DIAPH3: variants seen among roughly 807,000 people sequenced by gnomAD.
DIAPH3 encodes the protein diaphanous related formin 3.
A neutral mutation model predicts 144.3 loss-of-function variants in DIAPH3; 117 were observed. That is an observed-to-expected ratio of 0.81 (90% CI 0.70 to 0.95). The LOEUF (loss-of-function observed/expected upper bound fraction) is 0.95, where lower values mean the gene tolerates loss of function less well. Ranked by LOEUF, DIAPH3 falls within the 40% of genes least tolerant of loss-of-function variation. The probability of loss-of-function intolerance (pLI) is 0.00; values close to 1 mark genes in which losing one functional copy is unlikely to be tolerated. For missense variants in DIAPH3, 1,421 were observed against 1,412.7 expected (o/e 1.01, Z -0.09); for synonymous variants, 519 against 488.9 (o/e 1.06, Z -0.81).
intron 9 of DIAPH3, among the ~76,000 whole-genome samples, chr13:60,003,055 C>T (rs2052613859): frequency 6.6e-6 from 1 of 152,170 alleles, no homozygotes; most frequent in South Asian, 2.1e-4. Context: ...GGGACAAGCA[C>T]ACACATGAAC....
rs548587459 is a variant in DIAPH3 at position 59,969,183 on chromosome 13, T to G, written c.2074+761A>C. 2.6e-5 allele frequency among the ~76,000 whole-genome samples: 4 copies of G among 152,300 alleles called. No individual in the cohort carries two copies. In the East Asian group the frequency reaches 7.7e-4, roughly 29 times the overall value. ...GTTCAATTTTCACTTATGTAATACC[T>G]AAACAATTTTTTAAAAATCACACTG... On this transcript the variant is annotated intron_variant, in intron 17 of 27. Coordinates refer to ENST00000400324, the MANE Select transcript of DIAPH3 (RefSeq NM_001042517.2).
At chr13:59,858,732 T>C (rs1266180849) in intron 22 of DIAPH3, among the ~76,000 whole-genome samples, 3 of 152,158 alleles carry the variant, frequency 2.0e-5, no homozygotes, top group Non-Finnish European at 4.4e-5. Context: ...TATTGAACCT[T>C]AGAAGTCCAA....
intron 24 of DIAPH3, among the ~76,000 whole-genome samples, chr13:59,819,868 G>A (rs1327031981): frequency 6.6e-6 from 1 of 151,748 alleles, no homozygotes; most frequent in African/African-American, 2.4e-5. Context: ...TAACCACCTA[G>A]CACTAAATAG....
At chr13:60,134,586 CTTCCAGCCTA>C (rs1371315314) in intron 1 of DIAPH3, among the ~76,000 whole-genome samples, 1 of 152,184 alleles carries the variant, frequency 6.6e-6, no homozygotes, top group African/African-American at 2.4e-5. Context: ...CCAGTAGAGG[CTTCCAGCCTA>C]TTGCATTTGG....
intron 4 of DIAPH3, among the ~76,000 whole-genome samples, chr13:60,050,431 G>A (rs995010256): frequency 6.6e-6 from 1 of 152,148 alleles, no homozygotes; most frequent in Non-Finnish European, 1.5e-5. Context: ...CCTCTAGGCA[G>A]GCAGCTGAAA....
chr13:60,076,664 C>T (rs2057392249), intron 4 of DIAPH3, among the ~76,000 whole-genome samples: 1 of 152,034 alleles, frequency 6.6e-6, no homozygotes, highest in South Asian at 2.1e-4. Context: ...ATGTCTTATA[C>T]TTTCTAAATT....
intron 3 of DIAPH3, among the ~76,000 whole-genome samples, chr13:60,104,282 GATT>G (rs1720420055): frequency 6.6e-6 from 1 of 151,968 alleles, no homozygotes; most frequent in South Asian, 2.1e-4. Flanking sequence ...ACAGAAATAT[GATT>G]ATTTAAAAGT....
intron 17 of DIAPH3, among the ~76,000 whole-genome samples, chr13:59,936,342 A>G (rs1365621860): frequency 1.3e-5 from 2 of 152,226 alleles, no homozygotes; most frequent in South Asian, 2.1e-4. Context: ...AACTTTGCTC[A>G]TCTCAAAAGT....
intron 27 of DIAPH3, among the ~76,000 whole-genome samples, chr13:59,712,177 G>A (rs2138837852): frequency 1.3e-5 from 2 of 152,282 alleles, no homozygotes; most frequent in East Asian, 3.9e-4. Flanking sequence ...GAAACAGAGA[G>A]GCAGAAAGAG....
chr13:59,768,928 TTA>T (rs2037987455), intron 27 of DIAPH3, among the ~76,000 whole-genome samples: 1 of 152,198 alleles, frequency 6.6e-6, no homozygotes, highest in Non-Finnish European at 1.5e-5. Flanking sequence ...AAAATTTTGA[TTA>T]TGTTTTATCT....
At chr13:59,875,460 T>G (rs9563770) in intron 21 of DIAPH3, among the ~76,000 whole-genome samples, 74,648 of 151,446 alleles carry the variant, frequency 0.49, 19,720 homozygotes, top group Non-Finnish European at 0.57. Context: ...GGGTGCCAGG[T>G]CCTTAAGAGG....
At chr13:59,945,854 T>C (rs1275288241) in intron 17 of DIAPH3, among the ~76,000 whole-genome samples, 5 of 152,114 alleles carry the variant, frequency 3.3e-5, no homozygotes, top group African/African-American at 1.2e-4. Context: ...TCCATAACAA[T>C]TATAATTTTA....
At position 60,112,000 on chromosome 13, in the gene DIAPH3, A is replaced by C. The variant is rs775035733; in HGVS notation, c.390+10T>G. 11 of 1,613,640 alleles carry C rather than the reference A, an allele frequency of 6.8e-6. No homozygotes were observed. The highest frequency in any genetic ancestry group is 7.6e-6 in the Non-Finnish European group (9 of 1,179,734). On this transcript the variant is annotated intron_variant, in intron 3 of 27. Coordinates refer to ENST00000400324, the MANE Select transcript of DIAPH3 (RefSeq NM_001042517.2). Reference sequence around the variant, plus strand: ...TCCTCAAACATTTCCTAAAGAATCAAAATTCTTACCATCATTTTTTCAAAA... The same window carrying C: ...TCCTCAAACATTTCCTAAAGAATCACAATTCTTACCATCATTTTTTCAAAA...
chr13:59,918,654 A>G (rs576571996), intron 18 of DIAPH3, among the ~76,000 whole-genome samples: 1 of 152,154 alleles, frequency 6.6e-6, no homozygotes, highest in Admixed American at 6.5e-5. Context: ...CACTGCACCA[A>G]CAACAGCAAC....
At chr13:59,734,042 T>C (rs149419481) in intron 27 of DIAPH3, among the ~76,000 whole-genome samples, 4 of 152,244 alleles carry the variant, frequency 2.6e-5, no homozygotes, top group East Asian at 3.8e-4. Flanking sequence ...AAGATTATAA[T>C]TAGGCATGAT....
intron 21 of DIAPH3, among the ~76,000 whole-genome samples, chr13:59,867,018 T>A (rs761032325): frequency 8.0e-5 from 12 of 150,716 alleles, no homozygotes; most frequent in Non-Finnish European, 8.9e-5. Flanking sequence ...TTTGTGTGTG[T>A]ATTTGAGATG....
At chr13:59,862,906 G>A (rs1049949186) in intron 21 of DIAPH3, among the ~76,000 whole-genome samples, 3 of 152,108 alleles carry the variant, frequency 2.0e-5, no homozygotes, top group Admixed American at 1.3e-4. Flanking sequence ...TTTTATCCCT[G>A]AAAGATACCT....
At chr13:59,967,049 G>A (rs537663407) in intron 17 of DIAPH3, among the ~76,000 whole-genome samples, 2 of 151,732 alleles carry the variant, frequency 1.3e-5, no homozygotes, top group East Asian at 1.9e-4. Context: ...TTGGGGGTTT[G>A]CCTGTTTTTG....
intron 20 of DIAPH3, among the ~76,000 whole-genome samples, chr13:59,885,752 T>A (rs909037663): frequency 2.6e-5 from 4 of 152,120 alleles, no homozygotes; most frequent in African/African-American, 9.7e-5. Context: ...TCATCCTGGA[T>A]TTAGGGTGAG....
Sources: allele counts gnomAD v4.1 joint callset (sites outside exome capture counted in the v4.1 genomes callset), GRCh38; gene constraint gnomAD v4.1.1; transcripts MANE v1.5; gene names NCBI Gene and HGNC (gene_info 2026-07-23, HGNC 2026-07-21).